Variants in CD24 observed in about 807,000 individuals in gnomAD.
The protein encoded by CD24 is signal transducer CD24.
CD24 carries 2 observed loss-of-function variants against 3.6 expected under a neutral mutation model. The ratio of observed to expected loss-of-function variants is 0.56; its 90% confidence interval spans 0.23 to 1.77. The LOEUF is 1.77. CD24 is among the 40% of genes most tolerant of loss of function. The pLI is 0.18. For missense variants in CD24, 62 were observed against 93.6 expected (o/e 0.66, Z 1.39); for synonymous variants, 33 against 44.9 (o/e 0.74, Z 1.06).
chr6:106,973,749 C>G, intron 1 of CD24: 1 of 398,510 alleles, frequency 2.5e-6, no homozygotes. Context: ...TCCATACACC[C>G]TCGAGGCAGC....
chr6:106,972,521 A>C (rs1158461267), intron 1 of CD24, among the ~76,000 whole-genome samples: 2 of 152,324 alleles, frequency 1.3e-5, no homozygotes, highest in East Asian at 3.9e-4. Flanking sequence ...CACAAAAGAC[A>C]ACGAGAGGTT....
At chr6:106,974,033 T>G in intron 1 of CD24, 1 of 397,608 alleles carries the variant, frequency 2.5e-6, no homozygotes, top group East Asian at 3.6e-5. Context: ...GGGGTTTGTT[T>G]AAAAAGGGCC....
At chr6:106,976,654 A>G (rs1262219460), upstream of CD24, among the ~76,000 whole-genome samples, 5 of 152,130 alleles carry the variant, frequency 3.3e-5, no homozygotes, top group Admixed American at 1.3e-4. Context: ...GACCAACCTG[A>G]CCAACATGGT....
chr6:106,974,685 T>C lies in CD24; in HGVS notation c.-39A>G. The C allele has an allele frequency of 6.7e-7, 1 of 1,486,316 alleles. No individual in the cohort carries two copies. Among genetic ancestry groups the C allele is most frequent in the Non-Finnish European group, 8.9e-7 (1 of 1,123,448 alleles). The allele number at this position is 1,486,316 out of a possible 1,614,324, so 92.1% of individuals were successfully genotyped here. A position where few individuals can be genotyped will look rare whatever the true frequency, so the allele number is the denominator to read the frequency against. ...GTGCGCGGCGCGTCTAGCAGGATGCTGGGTGCTTGGAGAACCGCTGGCTCC... is the reference window on the plus strand; with the variant it reads ...GTGCGCGGCGCGTCTAGCAGGATGCCGGGTGCTTGGAGAACCGCTGGCTCC... On this transcript the variant is annotated 5_prime_UTR_variant, in exon 1 of 2. Coordinates refer to ENST00000606017, the MANE Select transcript of CD24 (RefSeq NM_001359084.1).
chr6:106,974,577 C>G lies in CD24; in HGVS notation c.69+1G>C. 6.9e-7 allele frequency: 1 copy of G among 1,445,024 alleles called. No individual in the cohort carries two copies. Among genetic ancestry groups the G allele is most frequent in the Non-Finnish European group, 9.0e-7 (1 of 1,108,520 alleles). The allele number at this position is 1,445,024 out of a possible 1,614,324, so 89.5% of individuals were successfully genotyped here. ...AGCCCCGCCGGGCGCCAGGGCCTCA[C>G]CTGCGTGGGTAGGAGCAGTGCCAGC... On this transcript the variant is annotated splice_donor_variant, in intron 1 of 1. Transcript: ENST00000606017. LOFTEE classifies it high-confidence loss of function.
intron 1 of CD24, among the ~76,000 whole-genome samples, chr6:106,972,321 A>G (rs1482644900): frequency 3.9e-5 from 6 of 152,204 alleles, no homozygotes; most frequent in Admixed American, 1.3e-4. Flanking sequence ...CACATACTCA[A>G]TTTAATACAG....
chr6:106,973,490 T>G, intron 1 of CD24: 1 of 395,762 alleles, frequency 2.5e-6, no homozygotes, highest in Non-Finnish European at 4.4e-6. Context: ...GGGAAGCGCG[T>G]TCCACACTCA....
chr6:106,974,080 T>A (rs1454828893), intron 1 of CD24: 2 of 396,594 alleles, frequency 5.0e-6, no homozygotes, highest in African/African-American at 4.1e-5. Context: ...CCAATCCAAC[T>A]CCGAGGGTGG....
At chr6:106,973,940 T>C in intron 1 of CD24, 1 of 398,402 alleles carries the variant, frequency 2.5e-6, no homozygotes, top group East Asian at 3.6e-5. Flanking sequence ...GATCCTAAGA[T>C]GACAAGCGAT....
chr6:106,972,826 C>T (rs1307128338), intron 1 of CD24, among the ~76,000 whole-genome samples: 3 of 152,152 alleles, frequency 2.0e-5, no homozygotes, highest in African/African-American at 7.2e-5. Context: ...GTACATTTGG[C>T]TGCCTATTAA....
At chr6:106,976,261 G>A (rs896944621), upstream of CD24, among the ~76,000 whole-genome samples, 1 of 152,330 alleles carries the variant, frequency 6.6e-6, no homozygotes, top group Non-Finnish European at 1.5e-5. Context: ...TTTAGCCCAA[G>A]CATTTTTCGG....
intron 1 of CD24, among the ~76,000 whole-genome samples, chr6:106,974,218 C>G (rs1441677335): frequency 6.6e-6 from 1 of 152,184 alleles, no homozygotes; most frequent in African/African-American, 2.4e-5. Flanking sequence ...CCCCAGGGAG[C>G]CCGAGCTCTC....
At chr6:106,973,594 C>G (rs978896356) in intron 1 of CD24, 1 of 398,254 alleles carries the variant, frequency 2.5e-6, no homozygotes, top group African/African-American at 2.1e-5. Flanking sequence ...TGACAGTCCT[C>G]GATTAACCCC....
At chr6:106,974,066 AT>A (rs1319530167) in intron 1 of CD24, 2 of 397,202 alleles carry the variant, frequency 5.0e-6, no homozygotes, top group Non-Finnish European at 8.9e-6. Context: ...CTTCTCCGGG[AT>A]ACCCAATCCA....
chr6:106,973,940 T>TG, intron 1 of CD24: 1 of 398,402 alleles, frequency 2.5e-6, no homozygotes, highest in South Asian at 1.3e-4. Flanking sequence ...GATCCTAAGA[T>TG]GACAAGCGAT....
chr6:106,974,575 C>T lies in CD24; in HGVS notation c.69+3G>A. 2 of 1,443,430 alleles carry T rather than the reference C, an allele frequency of 1.4e-6. No individual in the cohort carries two copies. The highest frequency in any genetic ancestry group is 3.0e-5 in the East Asian group (1 of 33,076). The allele number at this position is 1,443,430 out of a possible 1,614,324, so 89.4% of individuals were successfully genotyped here. On this transcript the variant is annotated splice_donor_region_variant and intron_variant, in intron 1 of 1. Coordinates refer to ENST00000606017, the MANE Select transcript of CD24 (RefSeq NM_001359084.1). Reference sequence around the variant, plus strand: ...CGAGCCCCGCCGGGCGCCAGGGCCTCACCTGCGTGGGTAGGAGCAGTGCCA... The same window carrying T: ...CGAGCCCCGCCGGGCGCCAGGGCCTTACCTGCGTGGGTAGGAGCAGTGCCA...
upstream of CD24, among the ~76,000 whole-genome samples, chr6:106,976,556 T>C (rs1282243297): frequency 2.0e-5 from 3 of 152,060 alleles, no homozygotes; most frequent in Non-Finnish European, 2.9e-5. Context: ...TATATAGAAA[T>C]ACTTTGGCCG....
At chr6:106,973,991 G>T (rs1394577471) in intron 1 of CD24, 1 of 397,962 alleles carries the variant, frequency 2.5e-6, no homozygotes, top group Non-Finnish European at 4.4e-6. Context: ...AGCGTCAGGA[G>T]AGGGTCCCCG....
chr6:106,974,616 G>T lies in CD24; in HGVS notation c.31C>A (p.Leu11Met). The change falls in exon 1 of 2, where the codon CTG becomes ATG. Residue 11 changes from leucine to methionine, a missense_variant. Coordinates refer to ENST00000606017, the MANE Select transcript of CD24 (RefSeq NM_001359084.1). MGRAMVARLG[L>M]GLLLLALLLP... Reference sequence around the variant, plus strand: ...AGCAGTGCCAGCAGCAGCAGCCCCAGCCCGAGCCTGGCCACCATTGCTCTG... The same window carrying T: ...AGCAGTGCCAGCAGCAGCAGCCCCATCCCGAGCCTGGCCACCATTGCTCTG... The T allele has an allele frequency of 6.8e-7, 1 of 1,475,892 alleles. No homozygotes were observed. The allele number at this position is 1,475,892 out of a possible 1,614,324, so 91.4% of individuals were successfully genotyped here. A position where few individuals can be genotyped will look rare whatever the true frequency, so the allele number is the denominator to read the frequency against.
Sources: allele counts gnomAD v4.1 joint callset (sites outside exome capture counted in the v4.1 genomes callset), GRCh38; gene constraint gnomAD v4.1.1; transcripts MANE v1.5; gene names NCBI Gene and HGNC (gene_info 2026-07-23, HGNC 2026-07-21).